Variants in CLUAP1 observed in about 807,000 individuals in gnomAD.
The protein encoded by CLUAP1 is intraflagellar transport 38.
Under a neutral mutation model 55.0 loss-of-function variants are expected in CLUAP1, and 50 were observed. The observed-to-expected ratio is 0.91, with a 90% CI of 0.72 to 1.15. The LOEUF (loss-of-function observed/expected upper bound fraction) is 1.15. Among genes scored for constraint, CLUAP1 ranks in the 50% most tolerant of loss-of-function variants. The pLI is 0.00. For missense variants in CLUAP1, 530 were observed against 507.6 expected (o/e 1.04, Z -0.42); for synonymous variants, 195 against 175.4 (o/e 1.11, Z -0.88).
In CLUAP1 at chr16:3,506,701, C is replaced by T. The variant is rs968115421; in HGVS notation, c.219+286C>T. ...CATTTTTAGTAGAGACTGGGTTTCA[C>T]CATGTTGGCTAGGCTGGTCTCAAAC... On this transcript the variant is annotated intron_variant, in intron 3 of 11. Coordinates refer to ENST00000576634, the MANE Select transcript of CLUAP1 (RefSeq NM_015041.3). Among the ~76,000 whole-genome samples, 3 of 151,924 alleles carry T rather than the reference C, an allele frequency of 2.0e-5. No homozygotes were observed. In the East Asian group the frequency reaches 5.9e-4, roughly 30 times the overall value.
At chr16:3,521,834 C>T (rs2037842335) in intron 7 of CLUAP1, among the ~76,000 whole-genome samples, 1 of 151,864 alleles carries the variant, frequency 6.6e-6, no homozygotes, top group African/African-American at 2.4e-5. Context: ...GCGGGCAGAT[C>T]GCTTGAACTC....
chr16:3,496,637 G>C, upstream of CLUAP1: 1 of 533,344 alleles, frequency 1.9e-6, no homozygotes, highest in Non-Finnish European at 3.7e-6. Context: ...TCTTCGCAAG[G>C]GCCGACAGGT....
chr16:3,526,441 G>A lies in CLUAP1; in HGVS notation c.885G>A (p.Gln295=). ...EEAKNTLCLI[Q]NKLKEEEKRL... ...CTAAAAACACTCTCTGCCTGATACA[G>A]AACAAGCTCAAGGAGGAAGAGAAGC... Residue 295 remains glutamine, a synonymous_variant, in exon 9 of 12, where the codon CAG becomes CAA. Coordinates refer to ENST00000576634, the MANE Select transcript of CLUAP1 (RefSeq NM_015041.3). 6.2e-7 allele frequency: 1 copy of A among 1,608,630 alleles called. No homozygotes were observed. The highest frequency in any genetic ancestry group is 8.5e-7 in the Non-Finnish European group (1 of 1,178,656).
chr16:3,517,478 TG>T (rs1007901596), intron 6 of CLUAP1, among the ~76,000 whole-genome samples: 2 of 151,660 alleles, frequency 1.3e-5, no homozygotes, highest in African/African-American at 4.8e-5. Flanking sequence ...AGCTAATTTT[TG>T]TTTTTTTTTT....
Position 3,538,369 on chromosome 16 carries a change from C to T in CLUAP1, c.*2098C>T, listed in dbSNP as rs937776263. ...GTGAATTCACCAGTAATTTGAAATG[C>T]ACCATATTGTAAATGATCCACTGAC... is the stretch of plus-strand genomic sequence containing the variant. On this transcript the variant is annotated 3_prime_UTR_variant, in exon 12 of 12. Transcript: ENST00000576634. The T allele has an allele frequency of 2.6e-5, 4 of 151,114 alleles. No homozygotes were observed. Among genetic ancestry groups the T allele is most frequent in the South Asian group, 2.1e-4 (1 of 4,796 alleles). The allele number at this position is 151,114 out of a possible 1,614,324, so 9.4% of individuals were successfully genotyped here.
chr16:3,503,700 C>T (rs115381393), intron 1 of CLUAP1, among the ~76,000 whole-genome samples: 2,627 of 152,254 alleles, frequency 0.017, 85 homozygotes, highest in African/African-American at 0.056. Flanking sequence ...AGGTGATCGT[C>T]CCACCTCAGC....
intron 11 of CLUAP1, 73 bp from the exon 12 acceptor site, chr16:3,536,049 G>A (rs899264129): frequency 6.4e-7 from 1 of 1,551,854 alleles, no homozygotes; most frequent in African/African-American, 1.4e-5. Context: ...AGAAAGGGAG[G>A]CAGAGAGTCT....
intron 4 of CLUAP1, among the ~76,000 whole-genome samples, chr16:3,509,397 G>T (rs1475950179): frequency 2.0e-5 from 3 of 152,216 alleles, no homozygotes; most frequent in Non-Finnish European, 4.4e-5. Context: ...TGGGATCCAA[G>T]CGGAACCTTC....
At chr16:3,500,897 C>G (rs967378868), upstream of CLUAP1, 7 of 692,408 alleles carry the variant, frequency 1.0e-5, no homozygotes, top group Non-Finnish European at 1.4e-5. Context: ...TGCCGGCCCG[C>G]TCTCCCCGTG....
chr16:3,504,670 T>C, intron 1 of CLUAP1, 50 bp from the exon 2 acceptor site: 1 of 978,272 alleles, frequency 1.0e-6, no homozygotes, highest in Non-Finnish European at 1.7e-6. Flanking sequence ...AGTTAATAAG[T>C]AGTTGCTGTG....
chr16:3,524,276 C>T (rs372456853), intron 8 of CLUAP1, among the ~76,000 whole-genome samples: 41 of 146,192 alleles, frequency 2.8e-4, no homozygotes, highest in East Asian at 1.6e-3. Flanking sequence ...CACTCCAGCT[C>T]GGTTGACAGA....
Position 3,536,246 on chromosome 16 carries a change from T to C in CLUAP1, c.1217T>C (p.Leu406Pro). 1 of 1,614,126 alleles carries C rather than the reference T, an allele frequency of 6.2e-7. No homozygotes were observed. The highest frequency in any genetic ancestry group is 8.5e-7 in the Non-Finnish European group (1 of 1,180,016). ...CGAAGGGTCCGGAAATCTGAACCCC[T>C]GGATGAGAGTGACAATGACTTCTGA... The part of the protein sequence containing the change: ...PNRRVRKSEP[L>P]DESDNDF The change falls in exon 12 of 12, where the codon CTG becomes CCG. Residue 406 changes from leucine (L) to proline (P), a missense_variant. By Grantham distance (98) the Leu-to-Pro change is moderately conservative. Transcript: ENST00000576634.
intron 8 of CLUAP1, among the ~76,000 whole-genome samples, chr16:3,524,558 C>A (rs1465357342): frequency 3.7e-5 from 5 of 134,952 alleles, no homozygotes; most frequent in Non-Finnish European, 7.6e-5. Context: ...GATTGCGCCA[C>A]TGCACTCTAG....
intron 11 of CLUAP1, chr16:3,535,172 G>A (rs1363659255): frequency 6.6e-6 from 1 of 152,518 alleles, no homozygotes; most frequent in East Asian, 1.9e-4. Flanking sequence ...CAAGCAGGAT[G>A]AGGCCTGAGA....
intron 8 of CLUAP1, 59 bp from the exon 9 acceptor site, chr16:3,526,353 A>G (rs2037942072): frequency 1.7e-6 from 2 of 1,177,834 alleles, no homozygotes; most frequent in African/African-American, 1.6e-5. Flanking sequence ...GTGGTGAAGA[A>G]GAATAGAACA....
At position 3,515,430 on chromosome 16, in the gene CLUAP1, G is replaced by A. The variant is rs2037711333; in HGVS notation, c.496-78G>A. 4.0e-6 allele frequency: 4 copies of A among 989,176 alleles called. No individual in the cohort carries two copies. The South Asian group carries it at 5.9e-5, about 15-fold the overall frequency. 61.3% of individuals were successfully genotyped at this position (989,176 alleles called of 1,614,324 possible). The stretch of plus-strand genomic sequence containing the variant: ...AAACTTCGGAGAATCAGTCTATAAG[G>A]CACATCTAGATCTAGGAATACTGGT... On this transcript the variant is annotated intron_variant, in intron 5 of 11. Coordinates refer to ENST00000576634, the MANE Select transcript of CLUAP1 (RefSeq NM_015041.3).
In CLUAP1 at chr16:3,536,162, A is replaced by G. The variant is rs2038227534; in HGVS notation, c.1133A>G (p.Asp378Gly). 6.2e-7 allele frequency: 1 copy of G among 1,614,036 alleles called. No homozygotes were observed. Residue 378 changes from aspartate to glycine, a missense_variant, in exon 12 of 12, where the codon GAT becomes GGT. Physicochemically the swap from Asp to Gly is moderately conservative, Grantham distance 94 (BLOSUM62 -1). Coordinates refer to ENST00000576634, the MANE Select transcript of CLUAP1 (RefSeq NM_015041.3). ...EESEIDMEDD[D>G]DEDDDLEDES... ...AGTGAAATTGACATGGAAGATGATG[A>G]TGACGAGGATGACGATTTGGAAGAC... is the stretch of plus-strand genomic sequence containing the variant.
upstream of CLUAP1, chr16:3,500,827 AGCCCTCATAGACGCCGGTATCGCCAC>A: frequency 1.8e-6 from 1 of 566,850 alleles, no homozygotes; most frequent in South Asian, 2.1e-5. Flanking sequence ...GGAAGCTTGC[AGCCCTCATAGACGCCGGTATCGCCAC>A]GCCCTCTGCC....
rs1429960600 is a variant in CLUAP1, at chr16:3,501,157, C to T, written c.22+68C>T. The T allele has an allele frequency of 5.4e-6, 8 of 1,485,532 alleles. No individual in the cohort carries two copies. The South Asian group carries it at 6.0e-5, about 11-fold the overall frequency. The allele number at this position is 1,485,532 out of a possible 1,614,324, so 92.0% of individuals were successfully genotyped here. ...GATTCAGGGCTCCCGCCCGCCGGGT[C>T]CCCTGTGTAGGCGATCCCTGAGGCT... On this transcript the variant is annotated intron_variant, in intron 1 of 11. Transcript: ENST00000576634.
Sources: gnomAD v4.1 joint callset for allele counts (sites outside exome capture counted in the v4.1 genomes callset) on GRCh38, gnomAD v4.1.1 for gene constraint, MANE v1.5 for transcripts, NCBI Gene and HGNC (gene_info 2026-07-23, HGNC 2026-07-21) for gene names.